The following SLC38A4 variants were observed in gnomAD, a reference collection of about 807,000 sequenced individuals.
SLC38A4 encodes solute carrier family 38 member 4.
A neutral mutation model predicts 63.1 loss-of-function variants in SLC38A4; 20 were observed. The ratio of observed to expected loss-of-function variants is 0.32; its 90% CI spans 0.22 to 0.46. The LOEUF is 0.46. Ranked by LOEUF, SLC38A4 falls within the 20% of genes least tolerant of loss-of-function variation. The pLI is 1.00. For synonymous variants in SLC38A4, 230 were observed against 225.5 expected (o/e 1.02, Z -0.18); for missense variants, 526 against 663.6 (o/e 0.79, Z 2.28).
intron 1 of SLC38A4, among the ~76,000 whole-genome samples, chr12:46,823,234 G>A (rs1045133684): frequency 4.6e-5 from 7 of 152,076 alleles, no homozygotes; most frequent in Admixed American, 2.0e-4. Context: ...GTTTGGTCTC[G>A]TGACTTACAG....
chr12:46,812,610 T>C lies in SLC38A4; in HGVS notation c.-304-8816A>G, dbSNP rs1015774417. The stretch of plus-strand genomic sequence containing the variant: ...AGTTCCTAGGGTGACAATAGAACTA[T>C]TGGTGGCAGCAGAAAAAATGTACAC... On this transcript the variant is annotated intron_variant, in intron 1 of 16. Transcript: ENST00000266579. Among the ~76,000 whole-genome samples the C allele has an allele frequency of 5.3e-5, 8 of 152,158 alleles. No homozygotes were observed. The East Asian group carries it at 1.4e-3, about 26-fold the overall frequency.
chr12:46,830,591 T>C (rs1317361561), upstream of SLC38A4, among the ~76,000 whole-genome samples: 1 of 152,172 alleles, frequency 6.6e-6, no homozygotes, highest in Non-Finnish European at 1.5e-5. Flanking sequence ...CATCCACTGT[T>C]GAAGCTCTGG....
chr12:46,799,431 A>T (rs963296094), intron 2 of SLC38A4, among the ~76,000 whole-genome samples: 2 of 152,092 alleles, frequency 1.3e-5, no homozygotes, highest in Non-Finnish European at 2.9e-5. Context: ...GCAAAGCTCC[A>T]TCTCTCCTAA....
chr12:46,815,284 T>TATATATATAC (rs1555173035), intron 1 of SLC38A4, among the ~76,000 whole-genome samples: 13 of 82,966 alleles, frequency 1.6e-4, no homozygotes, highest in South Asian at 1.1e-3. Context: ...TATATATATA[T>TATATATATAC]ACACACACAC....
intron 14 of SLC38A4, among the ~76,000 whole-genome samples, chr12:46,774,494 G>A (rs1327633778): frequency 4.6e-5 from 7 of 152,024 alleles, no homozygotes; most frequent in African/African-American, 1.7e-4. Flanking sequence ...GAGTCTGGCA[G>A]AGGCCATGTG....
chr12:46,815,240 G>GATATATATAT (rs56368111), intron 1 of SLC38A4, among the ~76,000 whole-genome samples: 10 of 89,618 alleles, frequency 1.1e-4, no homozygotes, highest in Non-Finnish European at 2.2e-4. Flanking sequence ...ATGGCTAAAG[G>GATATATATAT]ATATATATAT....
chr12:46,777,024 C>G lies in SLC38A4; in HGVS notation c.1074-20G>C. ...GACCGACTGGAAAAAGAAAGAACAC[C>G]AAGCTTTGTTTTTTAAACTTACAAA... On this transcript the variant is annotated intron_variant, in intron 12 of 16. Transcript: ENST00000266579. 6.3e-7 allele frequency: 1 copy of G among 1,578,458 alleles called. No individual in the cohort carries two copies. Among genetic ancestry groups the G allele is most frequent in the Non-Finnish European group, 8.6e-7 (1 of 1,157,240 alleles).
chr12:46,831,949 C>A (rs1939737556), intron 1 of SLC38A4, among the ~76,000 whole-genome samples: 1 of 148,372 alleles, frequency 6.7e-6, no homozygotes, highest in Admixed American at 6.6e-5. Context: ...CGGAGGTGCC[C>A]CATACCCCAG....
chr12:46,801,109 T>G (rs1191708821), intron 2 of SLC38A4, among the ~76,000 whole-genome samples: 1 of 152,168 alleles, frequency 6.6e-6, no homozygotes. Context: ...CGTTGTTAAT[T>G]CAATTGACTC....
intron 1 of SLC38A4, among the ~76,000 whole-genome samples, chr12:46,818,378 T>C (rs1360751738): frequency 2.6e-5 from 4 of 151,874 alleles, no homozygotes; most frequent in African/African-American, 9.7e-5. Flanking sequence ...ATATTATTTA[T>C]ATGCTGATTA....
intron 1 of SLC38A4, among the ~76,000 whole-genome samples, chr12:46,825,183 G>A (rs941189988): frequency 2.9e-4 from 41 of 141,018 alleles, no homozygotes; most frequent in Admixed American, 1.4e-4. Flanking sequence ...AAGTTTAAAT[G>A]TCAGCTTCCT....
chr12:46,767,199 A>G (rs1192928896), intron 16 of SLC38A4, among the ~76,000 whole-genome samples: 2 of 151,844 alleles, frequency 1.3e-5, no homozygotes, highest in Non-Finnish European at 2.9e-5. Context: ...AGCAAACAAA[A>G]CCAAAAGCTT....
At position 46,788,533 on chromosome 12, in the gene SLC38A4, C is replaced by T. The variant is rs1938811792; in HGVS notation, c.205G>A (p.Glu69Lys). The stretch of plus-strand genomic sequence containing the variant: ...GAAAGCATAGATTCACTTACGTGTT[C>T]ATCAGCATAATCTGCCAGCTTCTTT... ...GKKKLADYAD[E>K]HHPGTTSFGM... The change falls in exon 4 of 17, where the codon GAA (glutamate) becomes AAA (lysine). Residue 69 changes from glutamate (E) to lysine (K), a missense_variant. Physicochemically the swap from Glu to Lys is moderately conservative, Grantham distance 56. Transcript: ENST00000266579. 6.2e-7 allele frequency: 1 copy of T among 1,612,882 alleles called. No homozygotes were observed. The highest frequency in any genetic ancestry group is 1.7e-4 in the Middle Eastern group (1 of 6,054).
chr12:46,787,886 C>A, intron 5 of SLC38A4, 30 bp downstream of exon 5: 1 of 1,521,308 alleles, frequency 6.6e-7, no homozygotes, highest in South Asian at 1.1e-5. Context: ...TGGACTTCAT[C>A]ACCAAATGTA....
chr12:46,787,981 G>A lies in SLC38A4; in HGVS notation c.261C>T (p.Ala87=). The A allele has an allele frequency of 6.2e-7, 1 of 1,613,848 alleles. No individual in the cohort carries two copies. Among genetic ancestry groups the A allele is most frequent in the Non-Finnish European group, 8.5e-7 (1 of 1,179,824 alleles). ...FGMSSFNLSN[A]IMGSGILGLS... ...AGCCCAGGATCCCACTGCCCATGATGGCATTACTCAGGTTAAATGAAGACA... is the reference window on the plus strand; with the variant it reads ...AGCCCAGGATCCCACTGCCCATGATAGCATTACTCAGGTTAAATGAAGACA... Residue 87 remains alanine, a synonymous_variant, in exon 5 of 17, where the codon GCC becomes GCT. Coordinates refer to ENST00000266579, the MANE Select transcript of SLC38A4 (RefSeq NM_018018.5).
At chr12:46,831,645 G>T (rs375406663) in intron 1 of SLC38A4, among the ~76,000 whole-genome samples, 5 of 152,350 alleles carry the variant, frequency 3.3e-5, no homozygotes, top group African/African-American at 1.2e-4. Flanking sequence ...CTCCTTGGGG[G>T]CTCCCCAGGT....
chr12:46,786,940 T>C (rs1292886642), intron 5 of SLC38A4, among the ~76,000 whole-genome samples: 1 of 152,240 alleles, frequency 6.6e-6, no homozygotes, highest in Non-Finnish European at 1.5e-5. Flanking sequence ...TTAGGATCTG[T>C]GTCCACAGTG....
intron 7 of SLC38A4, among the ~76,000 whole-genome samples, chr12:46,783,337 C>T (rs1033673302): frequency 2.6e-5 from 4 of 151,652 alleles, no homozygotes; most frequent in East Asian, 1.9e-4. Flanking sequence ...AAGAACTAGA[C>T]GAAGATCTTG....
intron 3 of SLC38A4, among the ~76,000 whole-genome samples, chr12:46,790,406 A>AC (rs962864066): frequency 2.0e-5 from 3 of 151,542 alleles, no homozygotes; most frequent in Admixed American, 6.6e-5. Context: ...ATTTCCATTC[A>AC]CCCCCCACCC....
Sources: allele counts gnomAD v4.1 joint callset (sites outside exome capture counted in the v4.1 genomes callset), GRCh38; gene constraint gnomAD v4.1.1; transcripts MANE v1.5; gene names NCBI Gene and HGNC (gene_info 2026-07-23, HGNC 2026-07-21).